Variants in ZNG1E observed in about 807,000 individuals in gnomAD.
The protein encoded by ZNG1E is zinc-regulated GTPase metalloprotein activator 1E.
At chr9:65,688,005 G>C in the ZNG1E span, among the ~76,000 whole-genome samples, 2 of 150,998 alleles carry the variant, frequency 1.3e-5, no homozygotes, top group African/African-American at 2.4e-5. Context: ...CATGACACCA[G>C]TTTTTTTAAT....
the ZNG1E span, among the ~76,000 whole-genome samples, chr9:65,700,058 T>A: frequency 1.3e-5 from 2 of 149,250 alleles, 1 homozygote; most frequent in African/African-American, 5.1e-5. Flanking sequence ...TCATTCACAT[T>A]GAAAAGTTAG....
At chr9:65,669,481 C>T in the ZNG1E span, among the ~76,000 whole-genome samples, 3 of 150,584 alleles carry the variant, frequency 2.0e-5, no homozygotes, top group African/African-American at 4.9e-5. Context: ...TTACACCATA[C>T]ATCATTGCAA....
the ZNG1E span, among the ~76,000 whole-genome samples, chr9:65,660,963 A>G: frequency 6.9e-6 from 1 of 145,764 alleles, no homozygotes; most frequent in African/African-American, 2.6e-5. Flanking sequence ...TCAATAGGGA[A>G]TAGGTGGGGC....
At chr9:65,665,446 T>C in the ZNG1E span, among the ~76,000 whole-genome samples, 6 of 152,278 alleles carry the variant, frequency 3.9e-5, no homozygotes, top group African/African-American at 1.4e-4. Context: ...AAGTCAAGAA[T>C]TGAGGTTTGG....
At chr9:65,719,991 G>T in the ZNG1E span, 3 of 1,594,100 alleles carry the variant, frequency 1.9e-6, no homozygotes, top group Non-Finnish European at 2.6e-6. Flanking sequence ...AACGTATAAA[G>T]TTAAATCAGA....
At chr9:65,720,038 T>C in the ZNG1E span, 10 of 1,598,118 alleles carry the variant, frequency 6.3e-6, no homozygotes, top group Admixed American at 3.4e-5. Context: ...CAGTTGTTTT[T>C]AGTTTGCAGA....
the ZNG1E span, among the ~76,000 whole-genome samples, chr9:65,678,129 G>A: frequency 2.1e-3 from 291 of 139,744 alleles, 3 homozygotes; most frequent in South Asian, 0.023. Context: ...TGGTTAAAAA[G>A]CCCTAGTAAA....
chr9:65,709,418 T>C, the ZNG1E span, among the ~76,000 whole-genome samples: 1 of 146,238 alleles, frequency 6.8e-6, no homozygotes, highest in Non-Finnish European at 1.5e-5. Context: ...TAGTTACATA[T>C]GTATACATGT....
chr9:65,720,011 A>T, the ZNG1E span: 1 of 1,600,230 alleles, frequency 6.2e-7, no homozygotes, highest in Non-Finnish European at 8.5e-7. Context: ...AAGTGTATTA[A>T]TCTCTGAATT....
chr9:65,714,656 G>A, the ZNG1E span, among the ~76,000 whole-genome samples: 1 of 152,104 alleles, frequency 6.6e-6, no homozygotes, highest in African/African-American at 2.4e-5. Flanking sequence ...TGAGGTGTCA[G>A]CCTGCCTCTG....
At chr9:65,721,148 A>G in the ZNG1E span, among the ~76,000 whole-genome samples, 1 of 145,840 alleles carries the variant, frequency 6.9e-6, no homozygotes, top group Middle Eastern at 3.4e-3. Flanking sequence ...CAGTGTCTCC[A>G]TCCATAGAAT....
the ZNG1E span, among the ~76,000 whole-genome samples, chr9:65,675,063 AC>A: frequency 1.3e-5 from 2 of 149,658 alleles, no homozygotes; most frequent in African/African-American, 2.5e-5. Context: ...CTAAGTACAT[AC>A]GTGGGATATG....
the ZNG1E span, among the ~76,000 whole-genome samples, chr9:65,672,194 T>A: frequency 6.7e-6 from 1 of 150,210 alleles, no homozygotes; most frequent in African/African-American, 2.5e-5. Flanking sequence ...CCTTGGAGAG[T>A]TAAATGGGAT....
the ZNG1E span, among the ~76,000 whole-genome samples, chr9:65,681,309 G>A: frequency 2.6e-5 from 4 of 152,222 alleles, no homozygotes; most frequent in East Asian, 1.9e-4. Flanking sequence ...AATGGGGGTG[G>A]CCAAGTAAGA....
the ZNG1E span, among the ~76,000 whole-genome samples, chr9:65,702,187 CATT>C: frequency 6.6e-6 from 1 of 150,988 alleles, no homozygotes; most frequent in Non-Finnish European, 1.5e-5. Context: ...GCCTCAGAAT[CATT>C]ATATGTGGGA....
the ZNG1E span, among the ~76,000 whole-genome samples, chr9:65,661,963 G>A: frequency 1.5e-4 from 22 of 151,108 alleles, no homozygotes; most frequent in Admixed American, 1.1e-3. Flanking sequence ...GCTAGAGTAT[G>A]ATGAAAACAC....
At chr9:65,658,628 T>C in the ZNG1E span, among the ~76,000 whole-genome samples, 1 of 150,232 alleles carries the variant, frequency 6.7e-6, no homozygotes, top group Non-Finnish European at 1.5e-5. Context: ...AGGCACATTA[T>C]TTGTGCGATT....
chr9:65,659,059 T>C, the ZNG1E span, among the ~76,000 whole-genome samples: 1 of 152,178 alleles, frequency 6.6e-6, no homozygotes, highest in African/African-American at 2.4e-5. Context: ...CTACAAAAAC[T>C]GGAAACAAAG....
the ZNG1E span, among the ~76,000 whole-genome samples, chr9:65,684,550 G>GCACGCACACACACACACA: frequency 2.3e-5 from 3 of 132,846 alleles, no homozygotes; most frequent in Admixed American, 7.4e-5. Context: ...ACACACGCAC[G>GCACGCACACACACACACA]CACACACACA....
Sources: allele counts gnomAD v4.1 joint callset (sites outside exome capture counted in the v4.1 genomes callset), GRCh38; gene constraint gnomAD v4.1.1; transcripts MANE v1.5; gene names NCBI Gene and HGNC (gene_info 2026-07-23, HGNC 2026-07-21).